Variants in TENM3 observed in about 807,000 individuals in gnomAD.
The protein encoded by TENM3 is teneurin transmembrane protein 3.
In TENM3, 63 loss-of-function variants were observed where a neutral mutation model predicts 255.1. The ratio of observed to expected loss-of-function variants is 0.25; its 90% CI spans 0.20 to 0.30. TENM3 has a LOEUF of 0.30. Ranked by LOEUF, TENM3 falls within the 10% of genes least tolerant of loss-of-function variation. The pLI is 1.00. For missense variants in TENM3, 2,929 were observed against 3,461.1 expected (o/e 0.85, Z 3.86); for synonymous variants, 1,306 against 1,322.3 (o/e 0.99, Z 0.27).
the TENM3 span, among the ~76,000 whole-genome samples, chr4:182,098,655 T>C: frequency 6.6e-6 from 1 of 152,244 alleles, no homozygotes; most frequent in South Asian, 2.1e-4. Context: ...AGAATTGTGG[T>C]AGCCAGAGGC....
chr4:181,805,714 G>A, the TENM3 span, among the ~76,000 whole-genome samples: 1 of 152,190 alleles, frequency 6.6e-6, no homozygotes, highest in Non-Finnish European at 1.5e-5. Context: ...CGGAACCTTA[G>A]CAAAGCTCTG....
At chr4:181,694,656 T>C in the TENM3 span, among the ~76,000 whole-genome samples, 2 of 152,198 alleles carry the variant, frequency 1.3e-5, no homozygotes, top group African/African-American at 4.8e-5. Context: ...AAAGGTCTGC[T>C]AGGAACACAC....
intron 22 of TENM3, among the ~76,000 whole-genome samples, chr4:182,770,930 G>T (rs1451520243): frequency 1.3e-5 from 2 of 152,160 alleles, no homozygotes; most frequent in African/African-American, 2.4e-5. Flanking sequence ...CTCCTTAGAA[G>T]GCACAAATTC....
At chr4:182,533,389 G>A (rs1739962552) in intron 3 of TENM3, among the ~76,000 whole-genome samples, 1 of 151,808 alleles carries the variant, frequency 6.6e-6, no homozygotes, top group South Asian at 2.1e-4. Context: ...TGTCTCTACA[G>A]AAAATTTAAA....
At chr4:182,008,498 G>A in the TENM3 span, among the ~76,000 whole-genome samples, 1 of 151,650 alleles carries the variant, frequency 6.6e-6, no homozygotes, top group Admixed American at 6.6e-5. Context: ...TTCAAACTCT[G>A]ATATCCTTTC....
At chr4:182,071,104 AACTT>A in the TENM3 span, among the ~76,000 whole-genome samples, 107,563 of 151,682 alleles carry the variant, frequency 0.71, 38,841 homozygotes, top group East Asian at 0.87. Flanking sequence ...GAAGAACAAA[AACTT>A]ACTTCACAAA....
At chr4:182,213,379 A>G (rs1303786152) in intron 1 of TENM3, among the ~76,000 whole-genome samples, 1 of 152,210 alleles carries the variant, frequency 6.6e-6, no homozygotes, top group East Asian at 1.9e-4. Context: ...TGATTTAGCC[A>G]TCCTTTTTCA....
chr4:182,230,812 CTATATATATATATATATATATA>C (rs55642239), intron 1 of TENM3, among the ~76,000 whole-genome samples: 67 of 58,064 alleles, frequency 1.2e-3, no homozygotes, highest in Admixed American at 3.5e-3. Flanking sequence ...GTTTCTCAAA[CTATATATATATATATATATATA>C]TATATATATA....
In TENM3 at chr4:182,278,057, AT is replaced by A. The variant is rs1760123958; in HGVS notation, c.-76+34583del. ...CCATGCAGACCAGAACTGAGAAGTA[AT>A]TAACTGCCAATAACAAACGTACTAG... On this transcript the variant is annotated intron_variant, in intron 1 of 27. Coordinates refer to ENST00000511685, the MANE Select transcript of TENM3 (RefSeq NM_001080477.4). 2.0e-5 allele frequency among the ~76,000 whole-genome samples: 3 copies of A among 152,194 alleles called. No homozygotes were observed. The South Asian group carries it at 6.2e-4, about 31-fold the overall frequency.
chr4:182,714,939 C>T (rs1759037545), intron 13 of TENM3, among the ~76,000 whole-genome samples: 1 of 152,192 alleles, frequency 6.6e-6, no homozygotes. Flanking sequence ...GGCTGGAGTG[C>T]AATGGCACGA....
At chr4:182,453,447 T>G (rs2151334315) in intron 3 of TENM3, among the ~76,000 whole-genome samples, 1 of 152,338 alleles carries the variant, frequency 6.6e-6, no homozygotes. Context: ...GTTTCTCTCT[T>G]AAATGTTATC....
the TENM3 span, among the ~76,000 whole-genome samples, chr4:182,035,326 A>G: frequency 1.3e-5 from 2 of 152,228 alleles, no homozygotes; most frequent in Non-Finnish European, 2.9e-5. Context: ...TAAAAATACC[A>G]GCAGGATAAA....
the TENM3 span, among the ~76,000 whole-genome samples, chr4:181,565,691 G>A: frequency 6.6e-6 from 1 of 152,104 alleles, no homozygotes; most frequent in African/African-American, 2.4e-5. Context: ...CTTATTGAAG[G>A]TATTATCATG....
At chr4:182,607,829 A>G (rs1478267517) in intron 4 of TENM3, among the ~76,000 whole-genome samples, 1 of 152,228 alleles carries the variant, frequency 6.6e-6, no homozygotes, top group Non-Finnish European at 1.5e-5. Flanking sequence ...ACCGTAATCT[A>G]TATAAAATGT....
At chr4:181,686,015 T>A in the TENM3 span, among the ~76,000 whole-genome samples, 1 of 152,326 alleles carries the variant, frequency 6.6e-6, no homozygotes, top group East Asian at 1.9e-4. Flanking sequence ...AAATGCAGGA[T>A]GACAAATGAA....
At chr4:181,520,875 T>C in the TENM3 span, among the ~76,000 whole-genome samples, 1 of 152,240 alleles carries the variant, frequency 6.6e-6, no homozygotes, top group Admixed American at 6.5e-5. Flanking sequence ...ATTAATCATG[T>C]GGCATAAATT....
intron 3 of TENM3, among the ~76,000 whole-genome samples, chr4:182,518,698 A>AC (rs1738253957): frequency 1.3e-5 from 2 of 152,204 alleles, no homozygotes; most frequent in East Asian, 3.9e-4. Context: ...CCTTGATTTC[A>AC]ACCTGGTAAG....
chr4:181,947,906 G>A, the TENM3 span, among the ~76,000 whole-genome samples: 1 of 152,030 alleles, frequency 6.6e-6, no homozygotes, highest in African/African-American at 2.4e-5. Context: ...CCCCAAAGAG[G>A]AAAAGTTTAG....
chr4:182,240,808 C>T (rs972397594), upstream of TENM3, among the ~76,000 whole-genome samples: 22 of 152,258 alleles, frequency 1.4e-4, no homozygotes, highest in African/African-American at 5.3e-4. Context: ...GAATGCAGCT[C>T]CAGAGGCTGC....
Sources: gnomAD v4.1 joint callset for allele counts (sites outside exome capture counted in the v4.1 genomes callset) on GRCh38, gnomAD v4.1.1 for gene constraint, MANE v1.5 for transcripts, NCBI Gene and HGNC (gene_info 2026-07-23, HGNC 2026-07-21) for gene names.